POLR2F: variants seen among roughly 807,000 people sequenced by gnomAD.
POLR2F encodes DNA-directed RNA polymerases I, II, and III subunit RPABC2.
In POLR2F, 12 loss-of-function variants were observed where a neutral mutation model predicts 22.7. The ratio of observed to expected loss-of-function variants is 0.53; its 90% CI spans 0.34 to 0.86. The LOEUF (loss-of-function observed/expected upper bound fraction) is 0.86. Among genes scored for constraint, POLR2F ranks in the 40% least tolerant of loss-of-function variants. The probability of loss-of-function intolerance (pLI) is 0.02; values close to 1 mark genes in which losing one functional copy is unlikely to be tolerated. For synonymous variants in POLR2F, 57 were observed against 66.0 expected (o/e 0.86, Z 0.66); for missense variants, 126 against 171.5 (o/e 0.73, Z 1.48).
intron 1 of POLR2F, among the ~76,000 whole-genome samples, chr22:37,989,579 G>C (rs138352431): frequency 1.3e-5 from 2 of 152,306 alleles, no homozygotes; most frequent in Non-Finnish European, 2.9e-5. Flanking sequence ...CCCAGGTGCC[G>C]GCTCAGCTGT....
chr22:38,032,802 A>T (rs1601918712), intron 5 of POLR2F: 1 of 153,380 alleles, frequency 6.5e-6, no homozygotes, highest in Admixed American at 6.5e-5. Flanking sequence ...AGGGTGCTTC[A>T]GCAAGGAAGC....
downstream of POLR2F, among the ~76,000 whole-genome samples, chr22:37,970,421 T>G: frequency 7.3e-6 from 1 of 136,226 alleles, no homozygotes; most frequent in African/African-American, 2.8e-5. Context: ...GACAACATGG[T>G]GAAACCCTGT....
upstream of POLR2F, chr22:37,983,341 G>A (rs749786649): frequency 6.9e-6 from 11 of 1,599,936 alleles, no homozygotes; most frequent in Non-Finnish European, 9.4e-6. This position sits in a 1 kb window ranked among gnomAD's most constrained non-coding sequence, Gnocchi z 9.5. Context: ...AGCCCGGGGG[G>A]CGGTCGGGTG....
rs1216321793 is a variant in POLR2F at position 37,997,236 on chromosome 22, C to T, written c.120+10924C>T. 1.3e-5 allele frequency among the ~76,000 whole-genome samples: 2 copies of T among 152,156 alleles called. No homozygotes were observed. Among genetic ancestry groups the T allele is most frequent in the South Asian group, 2.1e-4 (1 of 4,834 alleles). ...AGGCCTCTTCCCCCTGACCTTTCTC[C>T]CTTCTTTTCCACTTCGGCCTCCACC... is the stretch of plus-strand genomic sequence containing the variant. On this transcript the variant is annotated intron_variant, in intron 1 of 2. Coordinates refer to the POLR2F transcript ENST00000333418. This position sits in a 1 kb window ranked among gnomAD's most constrained non-coding sequence, Gnocchi z 4.4.
intron 1 of POLR2F, among the ~76,000 whole-genome samples, chr22:38,011,041 T>G: frequency 6.6e-6 from 1 of 152,228 alleles, no homozygotes; most frequent in East Asian, 1.9e-4. Context: ...GTTCCCAAAT[T>G]CTATCTCCTA....
upstream of POLR2F, chr22:37,984,320 G>C (rs1569171598): frequency 1.3e-5 from 2 of 153,138 alleles, no homozygotes; most frequent in Non-Finnish European, 2.9e-5. This position sits in a 1 kb window ranked among gnomAD's most constrained non-coding sequence, Gnocchi z 4.4. Flanking sequence ...GGCCAGGGAG[G>C]AGCAGGCTGC....
chr22:38,008,507 T>C (rs2084842679), intron 1 of POLR2F, among the ~76,000 whole-genome samples: 1 of 150,260 alleles, frequency 6.7e-6, no homozygotes, highest in Non-Finnish European at 1.5e-5. Context: ...ATCATGCCAC[T>C]GCACTCCAGC....
intron 1 of POLR2F, among the ~76,000 whole-genome samples, chr22:38,022,551 CAA>C (rs376987789): frequency 2.0e-4 from 11 of 55,830 alleles, no homozygotes; most frequent in Non-Finnish European, 2.9e-4. Context: ...AACGCTGTCT[CAA>C]AAAAAAAAAA....
At chr22:37,962,581 A>C (rs748236237) in intron 3 of POLR2F, among the ~76,000 whole-genome samples, 16 of 152,226 alleles carry the variant, frequency 1.1e-4, no homozygotes, top group Non-Finnish European at 1.9e-4. Context: ...TGCACCATCA[A>C]CTATGGTAGC....
At chr22:38,025,029 A>G (rs1220461861) in intron 1 of POLR2F, among the ~76,000 whole-genome samples, 1 of 152,078 alleles carries the variant, frequency 6.6e-6, no homozygotes, top group Non-Finnish European at 1.5e-5. Flanking sequence ...CCTCCACCCC[A>G]CAGCAGGTTT....
intron 4 of POLR2F, among the ~76,000 whole-genome samples, chr22:37,976,937 C>A (rs893552746): frequency 6.6e-6 from 1 of 151,932 alleles, no homozygotes. Context: ...GAGGCCGAGG[C>A]GGGCAGATTG....
downstream of POLR2F, among the ~76,000 whole-genome samples, chr22:37,971,918 G>A (rs924904622): frequency 3.3e-5 from 5 of 151,988 alleles, no homozygotes; most frequent in South Asian, 4.2e-4. Context: ...CATAGCCGCC[G>A]GGCTGGGGAG....
In POLR2F at chr22:37,997,923, C is replaced by A. The variant is rs964951142; in HGVS notation, c.120+11611C>A. ...ATGGACCGCAGGATTTGTACCATCTCCTGGCGCGAGAGCCAGGGTTGCCCA... is the reference window on the plus strand; with the variant it reads ...ATGGACCGCAGGATTTGTACCATCTACTGGCGCGAGAGCCAGGGTTGCCCA... On this transcript the variant is annotated intron_variant, in intron 1 of 2. Coordinates refer to the POLR2F transcript ENST00000333418. The surrounding 1 kb of genome is among the most constrained non-coding windows in gnomAD (Gnocchi z 4.4). Among the ~76,000 whole-genome samples, 5 of 152,206 alleles carry A rather than the reference C, an allele frequency of 3.3e-5. No individual in the cohort carries two copies. Among genetic ancestry groups the A allele is most frequent in the African/African-American group, 1.2e-4 (5 of 41,460 alleles).
intron 1 of POLR2F, among the ~76,000 whole-genome samples, chr22:37,994,888 T>A (rs1237729671): frequency 6.6e-6 from 1 of 151,984 alleles, no homozygotes; most frequent in African/African-American, 2.4e-5. Flanking sequence ...CAAGCTATCC[T>A]CCCGCCTTGG....
In POLR2F at chr22:37,974,490, T is replaced by TGCC. The variant is rs1252703861; in HGVS notation, c.293+7320_293+7321insGCC. 1.3e-5 allele frequency among the ~76,000 whole-genome samples: 2 copies of TGCC among 151,904 alleles called. No individual in the cohort carries two copies. Among genetic ancestry groups the TGCC allele is most frequent in the Non-Finnish European group, 2.9e-5 (2 of 67,970 alleles). Reference sequence around the variant, plus strand: ...GCCTCAGCCTCCTGAGTAGCTGGAATTACAAGCGCCCACCACAATGCCCAG... The same window carrying TGCC: ...GCCTCAGCCTCCTGAGTAGCTGGAATGCCTACAAGCGCCCACCACAATGCCCAG... On this transcript the variant is annotated intron_variant, in intron 4 of 4. Coordinates refer to the POLR2F transcript ENST00000405557. The surrounding 1 kb of genome is among the most constrained non-coding windows in gnomAD (Gnocchi z 5.4).
At chr22:37,990,929 A>G (rs764349495) in intron 1 of POLR2F, among the ~76,000 whole-genome samples, 8 of 152,194 alleles carry the variant, frequency 5.3e-5, no homozygotes, top group Non-Finnish European at 8.8e-5. Context: ...GTTCCTCAGG[A>G]CACTGATAGG....
chr22:38,037,203 TGGAA>T lies in POLR2F; in HGVS notation c.453-3853_453-3850del, dbSNP rs989935020. Reference sequence around the variant, plus strand: ...ATGGCCACTGCTCAATCAGTGTTTGTGGAAGGAAGGAAGGACTGACCTTTTTATT... The same window carrying T: ...ATGGCCACTGCTCAATCAGTGTTTGTGGAAGGAAGGACTGACCTTTTTATT... On this transcript the variant is annotated intron_variant, in intron 5 of 5. Transcript: ENST00000407936. 3.3e-3 allele frequency among the ~76,000 whole-genome samples: 505 copies of T among 152,312 alleles called. 2 individuals carry two copies. Among genetic ancestry groups the T allele is most frequent in the African/African-American group, 0.012 (479 of 41,552 alleles).
intron 3 of POLR2F, among the ~76,000 whole-genome samples, chr22:37,964,214 G>A (rs1187914930): frequency 1.3e-5 from 2 of 152,146 alleles, no homozygotes; most frequent in Non-Finnish European, 2.9e-5. Context: ...TGCGAGTGGT[G>A]CTTTATGAAA....
At chr22:37,983,886 G>A (rs1220380659), upstream of POLR2F, 6 of 1,078,466 alleles carry the variant, frequency 5.6e-6, no homozygotes, top group Admixed American at 4.4e-5. The surrounding 1 kb of genome is among the most constrained non-coding windows in gnomAD (Gnocchi z 9.5). Flanking sequence ...GAAGGAGGGC[G>A]CGATGGAGCG....
Sources: allele counts gnomAD v4.1 joint callset (sites outside exome capture counted in the v4.1 genomes callset), GRCh38; gene constraint gnomAD v4.1.1; non-coding constraint Gnocchi (gnomAD v3.1); transcripts MANE v1.5; gene names NCBI Gene and HGNC (gene_info 2026-07-23, HGNC 2026-07-21).